Variants in FANCC observed in about 807,000 individuals in gnomAD.
The protein encoded by FANCC is Fanconi anemia group C protein.
FANCC carries 55 observed loss-of-function variants against 71.3 expected under a neutral mutation model. The observed-to-expected ratio is 0.77, with a 90% CI of 0.62 to 0.97. The LOEUF is 0.97. FANCC is among the 50% of genes least tolerant of loss of function. FANCC has a pLI of 0.00. For synonymous variants in FANCC, 275 were observed against 244.9 expected (o/e 1.12, Z -1.15); for missense variants, 678 against 670.9 (o/e 1.01, Z -0.12).
At chr9:95,247,864 G>A (rs2136093371) in intron 2 of FANCC, among the ~76,000 whole-genome samples, 1 of 152,222 alleles carries the variant, frequency 6.6e-6, no homozygotes, top group African/African-American at 2.4e-5. Context: ...CATTATTGGT[G>A]ATTAATAACT....
At chr9:95,243,637 A>G (rs1189492659) in intron 3 of FANCC, among the ~76,000 whole-genome samples, 3 of 151,934 alleles carry the variant, frequency 2.0e-5, no homozygotes, top group Non-Finnish European at 4.4e-5. Context: ...ACAAAAAAAA[A>G]AAACAGATTA....
intron 12 of FANCC, 88 bp from the exon 13 acceptor site, chr9:95,111,725 T>C (rs2071952568): frequency 5.3e-6 from 8 of 1,499,930 alleles, no homozygotes; most frequent in Non-Finnish European, 7.4e-6. Flanking sequence ...TTGCCAACGG[T>C]TGGCTTAAAT....
rs553326913 is a variant in FANCC at position 95,135,477 on chromosome 9, C to G, written c.712G>C (p.Ala238Pro). 1.2e-6 allele frequency: 2 copies of G among 1,614,016 alleles called. No homozygotes were observed. Among genetic ancestry groups the G allele is most frequent in the African/African-American group, 2.7e-5 (2 of 75,034 alleles). Residue 238 changes from alanine to proline, a missense_variant, in exon 8 of 15, where the codon GCT becomes CCT. Physicochemically the swap from Ala to Pro is conservative, Grantham distance 27. Coordinates refer to ENST00000289081, the MANE Select transcript of FANCC (RefSeq NM_000136.3). ...LLKKISLPMS[A>P]VVCLWLRHLP... Reference sequence around the variant, plus strand: ...TGCCGAAGCCAGAGGCAGACTACAGCTGACATGGGGAGAGAAATCTTCTTC... The same window carrying G: ...TGCCGAAGCCAGAGGCAGACTACAGGTGACATGGGGAGAGAAATCTTCTTC...
At chr9:95,297,160 C>A (rs886597785) in intron 1 of FANCC, among the ~76,000 whole-genome samples, 1 of 152,130 alleles carries the variant, frequency 6.6e-6, no homozygotes, top group African/African-American at 2.4e-5. Context: ...CAGACTGAGG[C>A]AAGAGGGACT....
At chr9:95,191,936 T>A (rs530926842) in intron 4 of FANCC, among the ~76,000 whole-genome samples, 2 of 152,306 alleles carry the variant, frequency 1.3e-5, no homozygotes, top group Admixed American at 1.3e-4. Flanking sequence ...ATTTTATTCT[T>A]GCTTCCTCCC....
At chr9:95,301,789 G>C (rs939934810) in intron 1 of FANCC, among the ~76,000 whole-genome samples, 2 of 151,374 alleles carry the variant, frequency 1.3e-5, no homozygotes, top group Non-Finnish European at 2.9e-5. Flanking sequence ...TAAAATAAAA[G>C]AAAAAAGGCC....
chr9:95,101,712 C>T lies in FANCC; in HGVS notation c.1672G>A (p.Val558Ile). ...RELLKELRTQ[V>I] ...CCACACGGCCTGCGTGCCTTCTAGA[C>T]TTGAGTTCGCAGCTCTTTAAGGAGC... Residue 558 changes from valine to isoleucine, a missense_variant, in exon 15 of 15, where the codon GTC becomes ATC. By Grantham distance (29) the Val-to-Ile change is conservative. Transcript: ENST00000289081. The T allele has an allele frequency of 6.2e-7, 1 of 1,613,980 alleles. No individual in the cohort carries two copies. Among genetic ancestry groups the T allele is most frequent in the Non-Finnish European group, 8.5e-7 (1 of 1,179,998 alleles).
chr9:95,179,001 T>G (rs1826181411), intron 4 of FANCC, among the ~76,000 whole-genome samples: 1 of 152,198 alleles, frequency 6.6e-6, no homozygotes, highest in African/African-American at 2.4e-5. Flanking sequence ...GATACTAACA[T>G]TTCTTAGCCT....
chr9:95,216,476 T>C (rs1436576863), intron 4 of FANCC, among the ~76,000 whole-genome samples: 3 of 152,216 alleles, frequency 2.0e-5, no homozygotes, highest in Admixed American at 6.5e-5. Flanking sequence ...CTATTATTGG[T>C]AGACAATTCT....
intron 7 of FANCC, among the ~76,000 whole-genome samples, chr9:95,137,960 T>C (rs1336122967): frequency 6.6e-6 from 1 of 152,120 alleles, no homozygotes; most frequent in Admixed American, 6.5e-5. Context: ...GGACTGGCGG[T>C]AACGGGAGTG....
At chr9:95,301,003 T>C (rs1834691088) in intron 1 of FANCC, among the ~76,000 whole-genome samples, 1 of 152,106 alleles carries the variant, frequency 6.6e-6, no homozygotes, top group South Asian at 2.1e-4. Flanking sequence ...GGGCTCTTTC[T>C]ATGTAGAAGG....
rs942062386 is a variant in FANCC at position 95,148,265 on chromosome 9, CAAAA to C, written c.686+1654_686+1657del. 3.6e-3 allele frequency among the ~76,000 whole-genome samples: 554 copies of C among 152,220 alleles called. 1 individual carries two copies. The highest frequency in any genetic ancestry group is 3.5e-3 in the Non-Finnish European group (241 of 68,004). ...TGCATAAAGCACTTCTGCTTCATAA[CAAAA>C]AAAGACGGTTGCCTGGAGAAAAGCA... On this transcript the variant is annotated intron_variant, in intron 7 of 14. Coordinates refer to ENST00000289081, the MANE Select transcript of FANCC (RefSeq NM_000136.3).
chr9:95,271,450 G>A (rs890049334), intron 1 of FANCC, among the ~76,000 whole-genome samples: 14 of 152,184 alleles, frequency 9.2e-5, no homozygotes, highest in Non-Finnish European at 1.8e-4. Context: ...GCAAAGTGAA[G>A]ACAGAAGCAA....
intron 12 of FANCC, among the ~76,000 whole-genome samples, chr9:95,112,838 C>T (rs1199003707): frequency 6.6e-6 from 1 of 152,230 alleles, no homozygotes; most frequent in Non-Finnish European, 1.5e-5. Flanking sequence ...AAGTGGGAGC[C>T]CCACGAGGTC....
In FANCC at chr9:95,204,487, C is replaced by T. The variant is rs143195318; in HGVS notation, c.346-32340G>A. On this transcript the variant is annotated intron_variant, in intron 4 of 14. Coordinates refer to ENST00000289081, the MANE Select transcript of FANCC (RefSeq NM_000136.3). Reference sequence around the variant, plus strand: ...TGAGTCTGAAATGAGGGATTAAGAACTTTCAAAACACAATTTTTGTGTGTA... The same window carrying T: ...TGAGTCTGAAATGAGGGATTAAGAATTTTCAAAACACAATTTTTGTGTGTA... Among the ~76,000 whole-genome samples, 146 of 152,282 alleles carry T rather than the reference C, an allele frequency of 9.6e-4. 7 individuals carry two copies. The East Asian group carries it at 0.026, about 28-fold the overall frequency.
intron 8 of FANCC, 124 bp downstream of exon 8, chr9:95,135,222 G>A (rs772151143): frequency 1.1e-5 from 10 of 945,380 alleles, no homozygotes; most frequent in East Asian, 2.5e-5. Context: ...GTAAATACAC[G>A]ATTATATATA....
rs1475727398 is a variant in FANCC, at chr9:95,292,834, G to A, written c.-79+24692C>T. On this transcript the variant is annotated intron_variant, in intron 1 of 14. Transcript: ENST00000289081. ...ATCCATGCTGAGAAGAAGCACAAAT[G>A]TAGCAAGTGCAGCAATTCGTACGGT... is the stretch of plus-strand genomic sequence containing the variant. The A allele has an allele frequency of 3.2e-6, 5 of 1,584,402 alleles. No individual in the cohort carries two copies. The African/African-American group carries it at 5.4e-5, about 17-fold the overall frequency.
chr9:95,126,395 A>T, intron 9 of FANCC, 134 bp downstream of exon 9: 1 of 874,516 alleles, frequency 1.1e-6, no homozygotes, highest in Non-Finnish European at 1.9e-6. Flanking sequence ...CAAAAAGCTC[A>T]GAGGAACAGG....
intron 10 of FANCC, among the ~76,000 whole-genome samples, chr9:95,122,597 G>A (rs185822123): frequency 6.6e-6 from 1 of 152,262 alleles, no homozygotes; most frequent in Non-Finnish European, 1.5e-5. Context: ...CCTTAGATAC[G>A]TATGCCTGGT....
Sources: allele counts gnomAD v4.1 joint callset (sites outside exome capture counted in the v4.1 genomes callset), GRCh38; gene constraint gnomAD v4.1.1; transcripts MANE v1.5; gene names NCBI Gene and HGNC (gene_info 2026-07-23, HGNC 2026-07-21).